Variants in CUBN observed in about 807,000 individuals in gnomAD.
CUBN encodes 460 kDa receptor.
A neutral mutation model predicts 405.3 loss-of-function variants in CUBN; 282 were observed. The observed-to-expected ratio is 0.70, with a 90% CI of 0.63 to 0.77. CUBN has a LOEUF of 0.77. Among genes scored for constraint, CUBN ranks in the 30% least tolerant of loss-of-function variants. The pLI, the probability that CUBN is intolerant of heterozygous loss-of-function variation, is 0.00. For missense variants in CUBN, 4,514 were observed against 4,475.2 expected, an observed-to-expected ratio of 1.01 and a Z score of -0.25; for synonymous variants, 1,684 against 1,617.0, an observed-to-expected ratio of 1.04 and a Z score of -0.99.
At position 16,982,496 on chromosome 10, in the gene CUBN, G is replaced by A. The variant is rs759131497; in HGVS notation, c.4683C>T (p.Asp1561=). 3 of 1,613,386 alleles carry A rather than the reference G, an allele frequency of 1.9e-6. No individual in the cohort carries two copies. The highest frequency in any genetic ancestry group is 2.5e-6 in the Non-Finnish European group (3 of 1,179,412). ...TTATGTCACTTACCATAATACAAGAGTCTTGTGGTTCAAGATCAAAGTCAG... is the reference window on the plus strand; with the variant it reads ...TTATGTCACTTACCATAATACAAGAATCTTGTGGTTCAAGATCAAAGTCAG... ...NFTDFDLEPQ[D]SCIMAYDGLS... The change falls in exon 31 of 67, where the codon GAC becomes GAT. Residue 1561 remains aspartate, a synonymous_variant. Coordinates refer to ENST00000377833, the MANE Select transcript of CUBN (RefSeq NM_001081.4).
chr10:16,844,247 C>T (rs538733751), intron 60 of CUBN, among the ~76,000 whole-genome samples: 15 of 138,288 alleles, frequency 1.1e-4, no homozygotes, highest in South Asian at 6.9e-4. Flanking sequence ...CCAGCCTGGG[C>T]GACAAGAGCG....
intron 17 of CUBN, among the ~76,000 whole-genome samples, chr10:17,072,684 G>A (rs1025969321): frequency 6.6e-6 from 1 of 152,020 alleles, no homozygotes. Context: ...GTTTTTTTGA[G>A]GAAGGTTATG....
Position 17,129,524 on chromosome 10 carries a change from T to A in CUBN, c.122+120A>T, listed in dbSNP as rs1202783123. 3.1e-6 allele frequency: 4 copies of A among 1,302,818 alleles called. No homozygotes were observed. In the African/African-American group the frequency reaches 4.4e-5, roughly 14 times the overall value. 80.7% of individuals were successfully genotyped at this position (1,302,818 alleles called of 1,614,324 possible). ...ACCTCAGTCTAAATGTTTTTCCCTGTTTGCTTCTCAACATAATTTTCCTCA... is the reference window on the plus strand; with the variant it reads ...ACCTCAGTCTAAATGTTTTTCCCTGATTGCTTCTCAACATAATTTTCCTCA... On this transcript the variant is annotated intron_variant, in intron 1 of 66. Coordinates refer to ENST00000377833, the MANE Select transcript of CUBN (RefSeq NM_001081.4).
intron 15 of CUBN, 98 bp downstream of exon 15, chr10:17,088,066 C>A (rs1836163651): frequency 1.3e-5 from 11 of 855,302 alleles, no homozygotes; most frequent in South Asian, 1.3e-4. Flanking sequence ...CACCTAACTA[C>A]AGCTAATATT....
intron 8 of CUBN, among the ~76,000 whole-genome samples, chr10:17,113,780 G>C (rs903244541): frequency 2.0e-5 from 3 of 152,222 alleles, no homozygotes; most frequent in African/African-American, 7.2e-5. Flanking sequence ...GCAATGCAGT[G>C]TCTAACTTAC....
intron 43 of CUBN, among the ~76,000 whole-genome samples, chr10:16,922,420 G>A (rs1842060713): frequency 6.6e-6 from 1 of 151,950 alleles, no homozygotes; most frequent in Non-Finnish European, 1.5e-5. Flanking sequence ...CTTTCATCTG[G>A]TCTCTCTCTC....
intron 6 of CUBN, among the ~76,000 whole-genome samples, chr10:17,116,129 C>T (rs1052692058): frequency 3.3e-5 from 5 of 152,180 alleles, no homozygotes; most frequent in Non-Finnish European, 2.9e-5. Context: ...CCATAAAAAG[C>T]GTAGTTATAT....
chr10:17,129,569 T>TTATC, intron 1 of CUBN, 75 bp downstream of exon 1: 1 of 1,599,570 alleles, frequency 6.3e-7, no homozygotes. Context: ...GCACCTTTGT[T>TTATC]TATCTGGCTA....
At chr10:16,851,495 A>C in intron 59 of CUBN, 52 bp from the exon 60 acceptor site, 1 of 1,489,128 alleles carries the variant, frequency 6.7e-7, no homozygotes, top group Non-Finnish European at 9.4e-7. Context: ...CCGACCTTAC[A>C]TTGTACATGG....
Position 17,114,208 on chromosome 10 carries a change from C to T in CUBN, c.721-19G>A, listed in dbSNP as rs758526154. ...ACTTGGGCTGGCAGGATGACAACAG[C>T]GTGAATAAAGACAATCATGAAAATC... is the stretch of plus-strand genomic sequence containing the variant. On this transcript the variant is annotated intron_variant, in intron 7 of 66. Transcript: ENST00000377833. 21 of 1,612,456 alleles carry T rather than the reference C, an allele frequency of 1.3e-5. No individual in the cohort carries two copies. Among genetic ancestry groups the T allele is most frequent in the Middle Eastern group, 3.3e-4 (2 of 6,082 alleles).
At chr10:16,938,188 A>G (rs956995414) in intron 38 of CUBN, among the ~76,000 whole-genome samples, 11 of 152,144 alleles carry the variant, frequency 7.2e-5, no homozygotes, top group African/African-American at 2.7e-4. Flanking sequence ...AAAAGCTTTA[A>G]TGAGAGAAAG....
Position 16,827,655 on chromosome 10 carries a change from G to A in CUBN, c.10764+1150C>T, listed in dbSNP as rs189506747. Among the ~76,000 whole-genome samples, 317 of 152,368 alleles carry A rather than the reference G, an allele frequency of 2.1e-3. 2 individuals carry two copies. The highest frequency in any genetic ancestry group is 7.0e-3 in the African/African-American group (289 of 41,570). On this transcript the variant is annotated intron_variant, in intron 66 of 66. Transcript: ENST00000377833. ...CTGGCTCTGTCGCCCAGGCTGGAGTGGAGTGGCGCCATCTCGGCTCACTGC... is the reference window on the plus strand; with the variant it reads ...CTGGCTCTGTCGCCCAGGCTGGAGTAGAGTGGCGCCATCTCGGCTCACTGC...
At chr10:16,924,025 C>T (rs1277932885) in intron 43 of CUBN, among the ~76,000 whole-genome samples, 1 of 152,142 alleles carries the variant, frequency 6.6e-6, no homozygotes, top group East Asian at 1.9e-4. Flanking sequence ...AGGCTGAGAT[C>T]ATGCCGCTGT....
At chr10:16,961,011 A>G (rs1274793443) in intron 31 of CUBN, among the ~76,000 whole-genome samples, 1 of 152,220 alleles carries the variant, frequency 6.6e-6, no homozygotes. Context: ...TCCCCTCCAC[A>G]TCCTCAGCTC....
At chr10:16,939,537 T>C (rs1036502610) in intron 37 of CUBN, among the ~76,000 whole-genome samples, 5 of 152,328 alleles carry the variant, frequency 3.3e-5, no homozygotes, top group African/African-American at 1.2e-4. Context: ...AAATTACATA[T>C]GAAATAGCCA....
chr10:16,898,952 C>A, intron 54 of CUBN, 44 bp downstream of exon 54: 2 of 1,459,068 alleles, frequency 1.4e-6, no homozygotes, highest in South Asian at 2.3e-5. Context: ...CACTAATGTT[C>A]ACAAAACCAA....
rs144560387 is a variant in CUBN, at chr10:16,862,160, T to TCTCTCACACACACA, written c.9454+7475_9454+7476insTGTGTGTGTGAGAG. 9.2e-3 allele frequency among the ~76,000 whole-genome samples: 1,201 copies of TCTCTCACACACACA among 131,184 alleles called. 29 individuals are homozygous for TCTCTCACACACACA. Among genetic ancestry groups the TCTCTCACACACACA allele is most frequent in the African/African-American group, 0.037 (1,137 of 30,758 alleles). 86.1% of individuals were successfully genotyped at this position (131,184 alleles called of 152,430 possible). On this transcript the variant is annotated intron_variant, in intron 59 of 66. Coordinates refer to ENST00000377833, the MANE Select transcript of CUBN (RefSeq NM_001081.4). ...GAGACTCCGTCTCTCTCTCTCTCTC[T>TCTCTCACACACACA]CACACACACACACACACACACACAC...
intron 31 of CUBN, among the ~76,000 whole-genome samples, chr10:16,977,493 G>C (rs946202252): frequency 3.3e-5 from 5 of 152,108 alleles, no homozygotes; most frequent in Admixed American, 6.5e-5. Flanking sequence ...TGAACTCCAG[G>C]GGGAGGATCA....
At chr10:16,849,897 G>A (rs919165491) in intron 60 of CUBN, among the ~76,000 whole-genome samples, 5 of 151,976 alleles carry the variant, frequency 3.3e-5, no homozygotes, top group East Asian at 3.9e-4. Flanking sequence ...ATTTTCACCC[G>A]CACAGAGTCT....
Sources: gnomAD v4.1 joint callset for allele counts (sites outside exome capture counted in the v4.1 genomes callset) on GRCh38, gnomAD v4.1.1 for gene constraint, MANE v1.5 for transcripts, NCBI Gene and HGNC (gene_info 2026-07-23, HGNC 2026-07-21) for gene names.